The following TEX15 variants were observed in gnomAD, a reference collection of about 807,000 sequenced individuals.
The protein encoded by TEX15 is testis-expressed protein 15.
In TEX15, 171 loss-of-function variants were observed where a neutral mutation model predicts 237.3. The observed-to-expected ratio is 0.72, with a 90% CI of 0.64 to 0.82. The LOEUF (loss-of-function observed/expected upper bound fraction) is 0.82, where lower values mean the gene tolerates loss of function less well. Ranked by LOEUF, TEX15 falls within the 40% of genes least tolerant of loss-of-function variation. The pLI, the probability that TEX15 is intolerant of heterozygous loss-of-function variation, is 0.00. For missense variants in TEX15, 3,750 were observed against 3,646.5 expected (o/e 1.03, Z -0.73); for synonymous variants, 1,338 against 1,269.8 (o/e 1.05, Z -1.14).
In TEX15 at chr8:30,843,669, G is replaced by A. The variant is rs1807518651; in HGVS notation, c.6498C>T (p.Phe2166=). The stretch of plus-strand genomic sequence containing the variant: ...CATTAACCTGTCGTTTGTACTTTAA[G>A]AATACATAGTATGAATTCTTTTCCC... The part of the protein sequence containing the change: ...TKREKNSYYV[F]LKYKRQVNEC... The change falls in exon 8 of 11, where the codon TTC becomes TTT. Residue 2166 remains phenylalanine (F), a synonymous_variant. Transcript: ENST00000643185. 12 of 1,593,434 alleles carry A rather than the reference G, an allele frequency of 7.5e-6. No homozygotes were observed. The highest frequency in any genetic ancestry group is 1.1e-5 in the South Asian group (1 of 90,354).
chr8:30,910,726 A>G (rs1205266577), intron 1 of TEX15, among the ~76,000 whole-genome samples: 1 of 150,394 alleles, frequency 6.6e-6, no homozygotes, highest in South Asian at 2.1e-4. Flanking sequence ...CTAGGATTAC[A>G]TGGCATTATT....
intron 3 of TEX15, among the ~76,000 whole-genome samples, chr8:30,876,082 C>G (rs949711828): frequency 6.6e-6 from 1 of 152,158 alleles, no homozygotes; most frequent in African/African-American, 2.4e-5. Flanking sequence ...TCCCAAAGTG[C>G]TGGGATTACA....
At chr8:30,860,790 T>C (rs1808033410) in intron 5 of TEX15, among the ~76,000 whole-genome samples, 1 of 152,010 alleles carries the variant, frequency 6.6e-6, no homozygotes, top group Non-Finnish European at 1.5e-5. Context: ...CCTCAGGTGA[T>C]CTGCCCACCT....
intron 5 of TEX15, among the ~76,000 whole-genome samples, chr8:30,862,057 T>C (rs1008804804): frequency 6.6e-6 from 1 of 152,134 alleles, no homozygotes; most frequent in African/African-American, 2.4e-5. Context: ...ACACTGTGGA[T>C]GGAAATGTCA....
chr8:30,846,852 C>G lies in TEX15; in HGVS notation c.3315G>C (p.Leu1105=). ...ALKSRISWEG[L]LALDNGEMEV... is the part of the protein sequence containing the mutation. Reference sequence around the variant, plus strand: ...CCATCTCCCCGTTATCAAGTGCTAACAGACCTTCCCAACTGATACGAGACT... The same window carrying G: ...CCATCTCCCCGTTATCAAGTGCTAAGAGACCTTCCCAACTGATACGAGACT... Residue 1105 remains leucine, a synonymous_variant, in exon 8 of 11, where the codon CTG becomes CTC. Transcript: ENST00000643185. 1 of 1,613,902 alleles carries G rather than the reference C, an allele frequency of 6.2e-7. No homozygotes were observed. The highest frequency in any genetic ancestry group is 2.2e-5 in the East Asian group (1 of 44,872).
At chr8:30,881,441 C>G (rs985587656) in intron 3 of TEX15, among the ~76,000 whole-genome samples, 1 of 151,920 alleles carries the variant, frequency 6.6e-6, no homozygotes, top group Non-Finnish European at 1.5e-5. Flanking sequence ...ACAGTTTGTA[C>G]TTTTGATACA....
rs375328298 is a variant in TEX15, at chr8:30,844,014, C to A, written c.6153G>T (p.Leu2051=). The change falls in exon 8 of 11, where the codon CTG becomes CTT. Residue 2051 remains leucine (L), a synonymous_variant. Coordinates refer to ENST00000643185, the MANE Select transcript of TEX15 (RefSeq NM_001350162.2). ...SVEQILISRE[L]LVDQNLWNNC... Reference sequence around the variant, plus strand: ...TATTCCACAGGTTTTGGTCTACCAACAGTTCTCTTGAAATCAGGATTTGTT... The same window carrying A: ...TATTCCACAGGTTTTGGTCTACCAAAAGTTCTCTTGAAATCAGGATTTGTT... The A allele has an allele frequency of 9.9e-6, 16 of 1,612,046 alleles. No individual in the cohort carries two copies. Among genetic ancestry groups the A allele is most frequent in the Non-Finnish European group, 1.3e-5 (15 of 1,179,150 alleles).
Position 30,860,015 on chromosome 8 carries a change from T to TATCCA in TEX15, c.578_582dup (p.Lys195TrpfsTer25). 6.6e-7 allele frequency: 1 copy of TATCCA among 1,507,146 alleles called. No individual in the cohort carries two copies. Among genetic ancestry groups the TATCCA allele is most frequent in the Non-Finnish European group, 8.8e-7 (1 of 1,136,826 alleles). The allele number at this position is 1,507,146 out of a possible 1,614,324, so 93.4% of individuals were successfully genotyped here. On this transcript the variant is annotated frameshift_variant, in exon 6 of 11. Transcript: ENST00000643185. LOFTEE classifies it high-confidence loss of function. ...GAAGGATCCAAAGAAACTTTATTTT[T>TATCCA]ATCCACAGAAGGTTGGATTTTCTTC...
intron 5 of TEX15, 59 bp from the exon 6 acceptor site, chr8:30,860,116 TG>T: frequency 7.6e-7 from 1 of 1,319,420 alleles, no homozygotes; most frequent in Non-Finnish European, 9.9e-7. Context: ...GTTTCTAAAC[TG>T]TCACATTTCA....
rs903697917 is a variant in TEX15 at position 30,875,212 on chromosome 8, A to C, written c.137-110T>G. 87 of 657,550 alleles carry C rather than the reference A, an allele frequency of 1.3e-4. 1 individual carries two copies. In the East Asian group the frequency reaches 2.9e-3, roughly 22 times the overall value. 40.7% of individuals were successfully genotyped at this position (657,550 alleles called of 1,614,324 possible). On this transcript the variant is annotated intron_variant, in intron 3 of 10. Coordinates refer to ENST00000643185, the MANE Select transcript of TEX15 (RefSeq NM_001350162.2). ...AAAATAACTAAGTACTGGAATTTTCATTAACAACATAAGGCAACCATTTGT... is the reference window on the plus strand; with the variant it reads ...AAAATAACTAAGTACTGGAATTTTCCTTAACAACATAAGGCAACCATTTGT...
rs1377755688 is a variant in TEX15 at position 30,845,994 on chromosome 8, A to T, written c.4173T>A (p.His1391Gln). 6.2e-7 allele frequency: 1 copy of T among 1,613,042 alleles called. No individual in the cohort carries two copies. The highest frequency in any genetic ancestry group is 2.2e-5 in the East Asian group (1 of 44,856). Residue 1391 changes from histidine to glutamine, a missense_variant, in exon 8 of 11, where the codon CAT becomes CAA. His to Gln is a conservative substitution (Grantham distance 24). Coordinates refer to ENST00000643185, the MANE Select transcript of TEX15 (RefSeq NM_001350162.2). ...DKAVVHLKKA[H>Q]RRVHTSLQLI... ...GCTGCAAAGATGTGTGAACTCTTCT[A>T]TGAGCTTTTTTTAAGTGAACAACTG...
chr8:30,838,723 TACAC>T, intron 9 of TEX15, among the ~76,000 whole-genome samples: 1 of 138,096 alleles, frequency 7.2e-6, no homozygotes, highest in Admixed American at 7.3e-5. Context: ...CACACATATA[TACAC>T]ACACACATAC....
intron 1 of TEX15, among the ~76,000 whole-genome samples, chr8:30,909,001 G>A (rs1450804785): frequency 1.3e-5 from 2 of 151,990 alleles, no homozygotes; most frequent in Non-Finnish European, 2.9e-5. Context: ...GCTGTGCAAC[G>A]TGTAAATGTA....
intron 2 of TEX15, among the ~76,000 whole-genome samples, chr8:30,891,307 C>T (rs989651386): frequency 1.3e-5 from 2 of 152,126 alleles, no homozygotes; most frequent in African/African-American, 2.4e-5. Flanking sequence ...CAGGCACATG[C>T]CAACCATGCT....
intron 4 of TEX15, among the ~76,000 whole-genome samples, chr8:30,868,497 C>T (rs544727378): frequency 6.6e-6 from 1 of 152,070 alleles, no homozygotes; most frequent in Non-Finnish European, 1.5e-5. Context: ...AGATTTATTT[C>T]CTGGAACACC....
intron 3 of TEX15, among the ~76,000 whole-genome samples, chr8:30,882,812 A>G (rs1384614637): frequency 6.6e-6 from 1 of 152,096 alleles, no homozygotes; most frequent in Non-Finnish European, 1.5e-5. Context: ...CTATAATTCA[A>G]AATTTGTCCA....
chr8:30,870,072 A>C (rs1489215423), intron 4 of TEX15, among the ~76,000 whole-genome samples: 2 of 151,924 alleles, frequency 1.3e-5, no homozygotes, highest in Non-Finnish European at 2.9e-5. Context: ...TGGAAAGCTC[A>C]AAATCAACAC....
chr8:30,844,160 T>G lies in TEX15; in HGVS notation c.6007A>C (p.Ile2003Leu). Residue 2003 changes from isoleucine (I) to leucine (L), a missense_variant, in exon 8 of 11, where the codon ATT (isoleucine) becomes CTT (leucine). By Grantham distance (5) the Ile-to-Leu change is conservative. Coordinates refer to ENST00000643185, the MANE Select transcript of TEX15 (RefSeq NM_001350162.2). ...GATGCTTCATCTGCCCTCTGCAAAA[T>G]TTGAGATAGATTAGCTATAAGGGCC... ...HTALIANLSQ[I>L]LQRADEASSL... 1 of 1,613,136 alleles carries G rather than the reference T, an allele frequency of 6.2e-7. No individual in the cohort carries two copies. Among genetic ancestry groups the G allele is most frequent in the East Asian group, 2.2e-5 (1 of 44,870 alleles).
chr8:30,881,898 C>G (rs568657574), intron 3 of TEX15, among the ~76,000 whole-genome samples: 2 of 152,238 alleles, frequency 1.3e-5, no homozygotes, highest in South Asian at 4.1e-4. Context: ...GCTAGGATTA[C>G]AGGCGTGAGC....
Sources: gnomAD v4.1 joint callset for allele counts (sites outside exome capture counted in the v4.1 genomes callset) on GRCh38, gnomAD v4.1.1 for gene constraint, MANE v1.5 for transcripts, NCBI Gene and HGNC (gene_info 2026-07-23, HGNC 2026-07-21) for gene names.